The following SH3RF2 variants were observed in gnomAD, a reference collection of about 807,000 sequenced individuals.
SH3RF2 encodes the protein SH3 domain containing ring finger 2.
In SH3RF2, 43 loss-of-function variants were observed where a neutral mutation model predicts 59.0. The observed-to-expected ratio is 0.73, with a 90% CI of 0.57 to 0.94. SH3RF2 has a LOEUF of 0.94. SH3RF2 is among the 40% of genes least tolerant of loss of function. The pLI is 0.00. For synonymous variants in SH3RF2, 391 were observed against 391.5 expected, an observed-to-expected ratio of 1.00 and a Z score of 0.01; for missense variants, 930 against 940.1, an observed-to-expected ratio of 0.99 and a Z score of 0.14.
intron 2 of SH3RF2, among the ~76,000 whole-genome samples, chr5:145,993,543 A>C (rs570635981): frequency 6.6e-6 from 1 of 152,230 alleles, no homozygotes; most frequent in Non-Finnish European, 1.5e-5. Flanking sequence ...CCAAACCTCA[A>C]TTCTTGACTT....
intron 3 of SH3RF2, among the ~76,000 whole-genome samples, chr5:146,002,975 C>T (rs867161487): frequency 6.6e-6 from 1 of 152,118 alleles, no homozygotes; most frequent in Non-Finnish European, 1.5e-5. Context: ...GGTTGGGTAC[C>T]GCTGTGTAAG....
chr5:146,005,129 T>C (rs1020655985), intron 4 of SH3RF2, among the ~76,000 whole-genome samples: 1 of 152,106 alleles, frequency 6.6e-6, no homozygotes, highest in Non-Finnish European at 1.5e-5. Flanking sequence ...AATTAGCATA[T>C]ATTTATTACT....
chr5:145,965,260 G>GT (rs1473993520), intron 2 of SH3RF2, among the ~76,000 whole-genome samples: 1 of 151,654 alleles, frequency 6.6e-6, no homozygotes, highest in African/African-American at 2.4e-5. Context: ...GCAATTTTTT[G>GT]TTTTTTCTCC....
At chr5:146,070,569 T>C (rs1181731375) in intron 9 of SH3RF2, among the ~76,000 whole-genome samples, 1 of 152,196 alleles carries the variant, frequency 6.6e-6, no homozygotes, top group Non-Finnish European at 1.5e-5. Context: ...ATTCCCCAGG[T>C]CACTCTCTCT....
chr5:146,021,595 A>T (rs80259027), intron 5 of SH3RF2, among the ~76,000 whole-genome samples: 3,747 of 152,298 alleles, frequency 0.025, 167 homozygotes, highest in African/African-American at 0.087. Flanking sequence ...TTGAAAATGT[A>T]CCCACTGGGT....
chr5:146,015,207 G>C (rs889938469), intron 5 of SH3RF2, among the ~76,000 whole-genome samples: 8 of 152,100 alleles, frequency 5.3e-5, no homozygotes, highest in South Asian at 2.1e-4. Context: ...TATTCTGAAA[G>C]GAAAACAATC....
chr5:145,982,143 C>G (rs1759529544), intron 2 of SH3RF2, among the ~76,000 whole-genome samples: 1 of 152,146 alleles, frequency 6.6e-6, no homozygotes, highest in Non-Finnish European at 1.5e-5. Context: ...GTCAGCAGCT[C>G]CCCAGCATGC....
intron 2 of SH3RF2, among the ~76,000 whole-genome samples, chr5:145,995,864 G>A (rs1230235558): frequency 2.6e-5 from 4 of 151,974 alleles, no homozygotes; most frequent in East Asian, 1.9e-4. Flanking sequence ...TATCAGTAAC[G>A]CTCAATATTA....
chr5:146,049,300 C>T (rs1321725458), intron 7 of SH3RF2, 55 bp downstream of exon 7: 9 of 1,543,448 alleles, frequency 5.8e-6, no homozygotes, highest in Non-Finnish European at 8.7e-7. Flanking sequence ...AGGCCAGGGG[C>T]CATCTGTGGG....
rs547455695 is a variant in SH3RF2 at position 146,078,032 on chromosome 5, A to C, written c.*34-428A>C. Among the ~76,000 whole-genome samples, 16 of 152,290 alleles carry C rather than the reference A, an allele frequency of 1.1e-4. No homozygotes were observed. The East Asian group carries it at 2.9e-3, about 28-fold the overall frequency. On this transcript the variant is annotated intron_variant, in intron 9 of 9. Coordinates refer to the SH3RF2 transcript ENST00000511217. ...AATAAATAAATGTAGGAGAAGGAAA[A>C]GCTCTCCCTTATGGTCAAGTGCCAA...
rs1468275931 is a variant in SH3RF2, at chr5:145,993,846, A to C, written c.379-6212A>C. 2.0e-5 allele frequency among the ~76,000 whole-genome samples: 3 copies of C among 151,996 alleles called. No individual in the cohort carries two copies. The East Asian group carries it at 5.8e-4, about 29-fold the overall frequency. Reference sequence around the variant, plus strand: ...CCCCCCTGTCGTCTTGGGGATTAACACTCAGCTTATTACTTATGCAAATAT... The same window carrying C: ...CCCCCCTGTCGTCTTGGGGATTAACCCTCAGCTTATTACTTATGCAAATAT... On this transcript the variant is annotated intron_variant, in intron 2 of 9. Coordinates refer to ENST00000359120, the MANE Select transcript of SH3RF2 (RefSeq NM_152550.4).
chr5:146,071,001 A>G (rs374632996), intron 9 of SH3RF2, among the ~76,000 whole-genome samples: 111 of 152,302 alleles, frequency 7.3e-4, no homozygotes, highest in African/African-American at 2.6e-3. Context: ...GCCATTTTTG[A>G]TGTCAGGGTT....
intron 5 of SH3RF2, among the ~76,000 whole-genome samples, chr5:146,019,839 T>G (rs926267873): frequency 6.6e-6 from 1 of 152,132 alleles, no homozygotes; most frequent in Non-Finnish European, 1.5e-5. Flanking sequence ...TATATTTTTG[T>G]AAATATTTTT....
Position 146,060,242 on chromosome 5 carries a change from T to A in SH3RF2, c.1914+18T>A, listed in dbSNP as rs200614657. 1.6e-5 allele frequency: 25 copies of A among 1,575,962 alleles called. No individual in the cohort carries two copies. The East Asian group carries it at 5.6e-4, about 36-fold the overall frequency. On this transcript the variant is annotated intron_variant, in intron 9 of 9. Coordinates refer to ENST00000359120, the MANE Select transcript of SH3RF2 (RefSeq NM_152550.4). ...TCGAAAAGGTAGGATCAGAGTGACATTGGGGGCCCAACTCTTTCGATCCCG... is the reference window on the plus strand; with the variant it reads ...TCGAAAAGGTAGGATCAGAGTGACAATGGGGGCCCAACTCTTTCGATCCCG...
At chr5:145,958,289 A>G (rs1191935764) in intron 2 of SH3RF2, among the ~76,000 whole-genome samples, 1 of 152,174 alleles carries the variant, frequency 6.6e-6, no homozygotes, top group African/African-American at 2.4e-5. Context: ...AGGCTGAATC[A>G]TTAGTTGTTC....
At chr5:145,998,738 C>G (rs982035347) in intron 2 of SH3RF2, among the ~76,000 whole-genome samples, 4 of 152,070 alleles carry the variant, frequency 2.6e-5, no homozygotes, top group Admixed American at 2.6e-4. Flanking sequence ...TAGTGAAACC[C>G]CGTCTCCACC....
chr5:145,999,947 G>C (rs779182891), intron 2 of SH3RF2, 111 bp from the exon 3 acceptor site: 11 of 1,312,730 alleles, frequency 8.4e-6, no homozygotes, highest in Non-Finnish European at 1.1e-5. Flanking sequence ...AAAAAACTCA[G>C]TATTTGCAAA....
chr5:145,940,032 G>A (rs1757756077), intron 2 of SH3RF2, among the ~76,000 whole-genome samples: 1 of 152,190 alleles, frequency 6.6e-6, no homozygotes, highest in African/African-American at 2.4e-5. Flanking sequence ...AGGATTCTCA[G>A]GGCCCTTCTG....
intron 2 of SH3RF2, among the ~76,000 whole-genome samples, chr5:145,950,607 A>G (rs1446879903): frequency 6.6e-6 from 1 of 152,174 alleles, no homozygotes; most frequent in African/African-American, 2.4e-5. Flanking sequence ...AAAGGTACAC[A>G]TGTGATCTGG....
Sources: gnomAD v4.1 joint callset for allele counts (sites outside exome capture counted in the v4.1 genomes callset) on GRCh38, gnomAD v4.1.1 for gene constraint, MANE v1.5 for transcripts, NCBI Gene and HGNC (gene_info 2026-07-23, HGNC 2026-07-21) for gene names.